The following KAT5 variants were observed in gnomAD, a reference collection of about 807,000 sequenced individuals.
The protein encoded by KAT5 is histone acetyltransferase KAT5.
A neutral mutation model predicts 68.1 loss-of-function variants in KAT5; 31 were observed. The ratio of observed to expected loss-of-function variants is 0.46; its 90% CI spans 0.34 to 0.61. The LOEUF is 0.61. KAT5 is among the 20% of genes least tolerant of loss of function. The pLI, the probability that KAT5 is intolerant of heterozygous loss-of-function variation, is 0.01. For missense variants in KAT5, 451 were observed against 725.5 expected, an observed-to-expected ratio of 0.62 and a Z score of 4.35; for synonymous variants, 365 against 292.6, an observed-to-expected ratio of 1.25 and a Z score of -2.52.
chr11:65,712,208 G>T (rs1486265003), upstream of KAT5: 1 of 1,374,156 alleles, frequency 7.3e-7, no homozygotes, highest in Non-Finnish European at 9.4e-7. Context: ...CCCACAGGGC[G>T]CTCGGTCCCG....
intron 10 of KAT5, chr11:65,717,228 C>T: frequency 1.7e-6 from 1 of 578,458 alleles, no homozygotes; most frequent in Non-Finnish European, 3.1e-6. Flanking sequence ...ACTCAGCTTT[C>T]CCCAAATCTG....
rs765743840 is a variant in KAT5 at position 65,719,110 on chromosome 11, C to T, written c.1570C>T (p.Arg524Trp). The T allele has an allele frequency of 4.3e-6, 7 of 1,614,038 alleles. No individual in the cohort carries two copies. Among genetic ancestry groups the T allele is most frequent in the Non-Finnish European group, 5.9e-6 (7 of 1,180,016 alleles). Residue 524 changes from arginine to tryptophan, a missense_variant, in exon 13 of 13, where the codon CGG becomes TGG. By Grantham distance (101) the Arg-to-Trp change is moderately radical. Coordinates refer to ENST00000341318, the MANE Select transcript of KAT5 (RefSeq NM_182710.3). ...VDGHERAMLK[R>W]LLRIDSKCLH... is the part of the protein sequence containing the mutation. The stretch of plus-strand genomic sequence containing the variant: ...TGGCCATGAGCGGGCCATGCTCAAG[C>T]GGCTCCTGCGGATCGACTCCAAGTG...
At position 65,712,458 on chromosome 11, in the gene KAT5, G is replaced by T. The variant is rs1218716720; in HGVS notation, c.178+13G>T. The T allele has an allele frequency of 1.9e-6, 3 of 1,587,406 alleles. No homozygotes were observed. In the Admixed American group the frequency reaches 6.0e-5, roughly 32 times the overall value. On this transcript the variant is annotated intron_variant, in intron 1 of 12. Coordinates refer to ENST00000341318, the MANE Select transcript of KAT5 (RefSeq NM_182710.3). Reference sequence around the variant, plus strand: ...GAAGATGAGTGGCGTGAGTGACGTTGGGGGGCGGGACTAAGGAACCTGAGG... The same window carrying T: ...GAAGATGAGTGGCGTGAGTGACGTTTGGGGGCGGGACTAAGGAACCTGAGG...
Position 65,713,138 on chromosome 11 carries a change from G to C in KAT5, c.384+80G>C, listed in dbSNP as rs1857080594. On this transcript the variant is annotated intron_variant, in intron 3 of 12. Coordinates refer to ENST00000341318, the MANE Select transcript of KAT5 (RefSeq NM_182710.3). ...GTTGGCATTAGGAGCTCCTGGATGGGCAGGAGGCGGCTCCCTCTCACCCTG... is the reference window on the plus strand; with the variant it reads ...GTTGGCATTAGGAGCTCCTGGATGGCCAGGAGGCGGCTCCCTCTCACCCTG... 8 of 1,543,686 alleles carry C rather than the reference G, an allele frequency of 5.2e-6. No individual in the cohort carries two copies. The South Asian group carries it at 9.2e-5, about 18-fold the overall frequency.
intron 1 of KAT5, 39 bp from the exon 2 acceptor site, chr11:65,712,727 C>G (rs755341837): frequency 1.9e-6 from 3 of 1,609,508 alleles, no homozygotes; most frequent in Non-Finnish European, 2.6e-6. Flanking sequence ...GTCTCATAGC[C>G]TGGCCTGTCT....
At position 65,714,801 on chromosome 11, in the gene KAT5, G is replaced by T. The variant is rs1340188747; in HGVS notation, c.940-20G>T. 1 of 1,614,074 alleles carries T rather than the reference G, an allele frequency of 6.2e-7. No homozygotes were observed. Among genetic ancestry groups the T allele is most frequent in the Non-Finnish European group, 8.5e-7 (1 of 1,180,032 alleles). On this transcript the variant is annotated intron_variant, in intron 7 of 12. Coordinates refer to ENST00000341318, the MANE Select transcript of KAT5 (RefSeq NM_182710.3). ...CACCCTCCACGTTGCCCTTGTTCCTGATCCTCCTCTCTTCCCCAGACCAAG... is the reference window on the plus strand; with the variant it reads ...CACCCTCCACGTTGCCCTTGTTCCTTATCCTCCTCTCTTCCCCAGACCAAG...
In KAT5 at chr11:65,718,956, TAGGG is replaced by T. The variant is rs1427324261; in HGVS notation, c.1506+6_1506+9del. On this transcript the variant is annotated splice_donor_5th_base_variant and intron_variant, in intron 12 of 12. Coordinates refer to ENST00000341318, the MANE Select transcript of KAT5 (RefSeq NM_182710.3). ...CTCAATCTCATCAACTACTACAAGG[TAGGG>T]AGGCAGGCAGGGGAGACAGGTGTGT... 3.7e-6 allele frequency: 6 copies of T among 1,614,074 alleles called. No individual in the cohort carries two copies. Among genetic ancestry groups the T allele is most frequent in the East Asian group, 2.2e-5 (1 of 44,888 alleles).
In KAT5 at chr11:65,712,949, C is replaced by T. The variant is rs1857072170; in HGVS notation, c.275C>T (p.Thr92Met). The T allele has an allele frequency of 3.1e-6, 5 of 1,613,972 alleles. No individual in the cohort carries two copies. The highest frequency in any genetic ancestry group is 1.3e-5 in the African/African-American group (1 of 74,864). ...DFNKRLDEWVTHERLDLKKIQ... is the reference protein window; with the variant it reads ...DFNKRLDEWVMHERLDLKKIQ... ...AACAAACGTCTGGATGAATGGGTGA[C>T]GCATGAGCGGCTGGACCTAAAGAAG... Residue 92 changes from threonine (T) to methionine (M), a missense_variant, in exon 3 of 13, where the codon ACG becomes ATG. This residue lies in a region of KAT5 where 135 missense variants were observed against 173.4 expected (regional missense o/e 0.78). Transcript: ENST00000341318.
intron 10 of KAT5, 25 bp downstream of exon 10, chr11:65,717,007 G>A (rs1005033619): frequency 8.3e-6 from 13 of 1,566,568 alleles, no homozygotes; most frequent in Non-Finnish European, 8.8e-6. Flanking sequence ...TGCGGCCAGG[G>A]GGTAGTGGAC....
chr11:65,713,558 C>G, intron 4 of KAT5, 35 bp from the exon 5 acceptor site: 1 of 1,614,148 alleles, frequency 6.2e-7, no homozygotes, highest in Admixed American at 1.7e-5. Context: ...ACCTTCTCTA[C>G]CTTCTGACCC....
At position 65,713,860 on chromosome 11, in the gene KAT5, G is replaced by T. The variant is rs745363293; in HGVS notation, c.690+12G>T. ...TGGGCACTGATGAGGTGGGTCTGGG[G>T]AGCAGCAGAAGGGAACTGGGTGAAA... On this transcript the variant is annotated intron_variant, in intron 6 of 12. Coordinates refer to ENST00000341318, the MANE Select transcript of KAT5 (RefSeq NM_182710.3). The T allele has an allele frequency of 4.5e-6, 7 of 1,566,808 alleles. No individual in the cohort carries two copies. The Admixed American group carries it at 1.2e-4, about 26-fold the overall frequency.
At chr11:65,715,149 A>G in intron 8 of KAT5, 1 of 536,082 alleles carries the variant, frequency 1.9e-6, no homozygotes, top group Non-Finnish European at 3.4e-6. Context: ...GTGTCATGAA[A>G]CAGAGGGTAG....
chr11:65,718,501 G>C, intron 10 of KAT5, 89 bp from the exon 11 acceptor site: 1 of 1,399,072 alleles, frequency 7.1e-7, no homozygotes, highest in Non-Finnish European at 9.9e-7. Flanking sequence ...ATAGGAACTA[G>C]GCAGCCTGCC....
In KAT5 at chr11:65,718,939, C is replaced by T. The variant is rs750349906; in HGVS notation, c.1491C>T (p.Leu497=). 24 of 1,614,072 alleles carry T rather than the reference C, an allele frequency of 1.5e-5. No individual in the cohort carries two copies. Among genetic ancestry groups the T allele is most frequent in the Non-Finnish European group, 1.9e-5 (23 of 1,180,038 alleles). Residue 497 remains leucine (L), a synonymous_variant, in exon 12 of 13, where the codon CTC becomes CTT. Transcript: ENST00000341318. ...DVISTLQYLN[L]INYYKGQYIL... is the part of the protein sequence containing the mutation. ...TCTCCACTCTGCAGTACCTCAATCTCATCAACTACTACAAGGTAGGGAGGC... is the reference window on the plus strand; with the variant it reads ...TCTCCACTCTGCAGTACCTCAATCTTATCAACTACTACAAGGTAGGGAGGC...
intron 1 of KAT5, 130 bp downstream of exon 1, chr11:65,712,575 G>A: frequency 8.0e-7 from 1 of 1,257,718 alleles, no homozygotes; most frequent in East Asian, 2.4e-5. Context: ...ATGAAGGGGC[G>A]TGGCTCTTAG....
chr11:65,712,460 G>A lies in KAT5; in HGVS notation c.178+15G>A. 6.3e-7 allele frequency: 1 copy of A among 1,586,430 alleles called. No homozygotes were observed. Among genetic ancestry groups the A allele is most frequent in the Non-Finnish European group, 8.5e-7 (1 of 1,172,986 alleles). ...AGATGAGTGGCGTGAGTGACGTTGGGGGGCGGGACTAAGGAACCTGAGGGC... is the reference window on the plus strand; with the variant it reads ...AGATGAGTGGCGTGAGTGACGTTGGAGGGCGGGACTAAGGAACCTGAGGGC... On this transcript the variant is annotated intron_variant, in intron 1 of 12. Transcript: ENST00000341318.
rs1857046316 is a variant in KAT5 at position 65,712,333 on chromosome 11, C to A, written c.66C>A (p.Ala22=). The A allele has an allele frequency of 6.6e-7, 1 of 1,512,724 alleles. No individual in the cohort carries two copies. The highest frequency in any genetic ancestry group is 2.9e-5 in the Admixed American group (1 of 35,042). 93.7% of individuals were successfully genotyped at this position (1,512,724 alleles called of 1,614,324 possible). Residue 22 remains alanine, a synonymous_variant, in exon 1 of 13, where the codon GCC becomes GCA. Transcript: ENST00000341318. ...GGGAGCCAGGGGAGGTGGGTAGAGC[C>A]CGAGGCCCCCCAGTAGCCGACCCTG... is the stretch of plus-strand genomic sequence containing the variant. The part of the protein sequence containing the change: ...GRREPGEVGR[A]RGPPVADPGV...
Position 65,718,755 on chromosome 11 carries a change from C to A in KAT5, c.1424+6C>A, listed in dbSNP as rs768861396. 6.2e-7 allele frequency: 1 copy of A among 1,614,096 alleles called. No individual in the cohort carries two copies. Among genetic ancestry groups the A allele is most frequent in the Non-Finnish European group, 8.5e-7 (1 of 1,179,996 alleles). On this transcript the variant is annotated splice_donor_region_variant and intron_variant, in intron 11 of 12. Coordinates refer to ENST00000341318, the MANE Select transcript of KAT5 (RefSeq NM_182710.3). ...AGGCCACAGATCACCATCAAGTGAG[C>A]CTGGCGCTGTCTACCTGGGGGTACA...
chr11:65,713,002 AC>A lies in KAT5; in HGVS notation c.333del (p.Thr112LeufsTer134), dbSNP rs1285360389. ...KIQFPKKEAK[T>X]PTKNGLPGSR... ...CCAGTTCCCCAAGAAAGAGGCCAAG[AC>A]CCCCACTAAGAACGGACTTCCTGGG... is the stretch of plus-strand genomic sequence containing the variant. On this transcript the variant is annotated frameshift_variant, in exon 3 of 13. Transcript: ENST00000341318. LOFTEE classifies it high-confidence loss of function. 1 of 1,613,566 alleles carries A rather than the reference AC, an allele frequency of 6.2e-7. No individual in the cohort carries two copies. Among genetic ancestry groups the A allele is most frequent in the African/African-American group, 1.3e-5 (1 of 74,784 alleles).
Sources: allele counts gnomAD v4.1 joint callset, GRCh38; gene constraint gnomAD v4.1.1; regional missense constraint gnomAD v4.1.1; transcripts MANE v1.5; gene names NCBI Gene and HGNC (gene_info 2026-07-23, HGNC 2026-07-21).